Variants in GRIN3A observed in about 807,000 individuals in gnomAD.
GRIN3A encodes the protein glutamate receptor ionotropic, NMDA 3A.
Under a neutral mutation model 92.4 loss-of-function variants are expected in GRIN3A, and 47 were observed. The observed-to-expected ratio is 0.51, with a 90% CI of 0.40 to 0.65. The LOEUF is 0.65. Among genes scored for constraint, GRIN3A ranks in the 30% least tolerant of loss-of-function variants. The probability of loss-of-function intolerance (pLI) is 0.00; values close to 1 mark genes in which losing one functional copy is unlikely to be tolerated. For missense variants in GRIN3A, 1,324 were observed against 1,393.1 expected (o/e 0.95, Z 0.79); for synonymous variants, 527 against 540.6 (o/e 0.97, Z 0.35).
At chr9:101,731,751 C>T (rs528216302) in intron 1 of GRIN3A, among the ~76,000 whole-genome samples, 2 of 152,302 alleles carry the variant, frequency 1.3e-5, no homozygotes, top group South Asian at 4.1e-4. Context: ...GAGAATTTGG[C>T]TGAGGTGTCA....
intron 1 of GRIN3A, among the ~76,000 whole-genome samples, chr9:101,697,141 T>G (rs1829695489): frequency 6.6e-6 from 1 of 152,190 alleles, no homozygotes. Flanking sequence ...AGCTTAACAC[T>G]AGAAATAGTA....
In GRIN3A at chr9:101,687,086, C is replaced by T; in HGVS notation, c.814G>A (p.Glu272Lys). ...WYNFSLLLCQ[E>K]DWNITDFLLL... is the part of the protein sequence containing the mutation. Reference sequence around the variant, plus strand: ...AGGAAGTCGGTGATGTTCCAGTCTTCCTGGCACAGCAACAAGCTAAAATTG... The same window carrying T: ...AGGAAGTCGGTGATGTTCCAGTCTTTCTGGCACAGCAACAAGCTAAAATTG... The change falls in exon 2 of 9, where the codon GAA becomes AAA. Residue 272 changes from glutamate (E) to lysine (K), a missense_variant. By Grantham distance (56) the Glu-to-Lys change is moderately conservative (BLOSUM62 1). Coordinates refer to ENST00000361820, the MANE Select transcript of GRIN3A (RefSeq NM_133445.3). 6.2e-7 allele frequency: 1 copy of T among 1,614,090 alleles called. No homozygotes were observed. The highest frequency in any genetic ancestry group is 1.1e-5 in the South Asian group (1 of 91,070).
At position 101,572,511 on chromosome 9, in the gene GRIN3A, TC is replaced by T. The variant is rs1588232051; in HGVS notation, c.*662del. ...TTCTGTTTCCGCTTACCACATCCCC[TC>T]CCCTTTTCACAGTAGGGTGTAAGCA... On this transcript the variant is annotated 3_prime_UTR_variant, in exon 9 of 9. Coordinates refer to ENST00000361820, the MANE Select transcript of GRIN3A (RefSeq NM_133445.3). 1.3e-5 allele frequency: 2 copies of T among 152,978 alleles called. No homozygotes were observed. Among genetic ancestry groups the T allele is most frequent in the East Asian group, 3.9e-4 (2 of 5,168 alleles). The allele number at this position is 152,978 out of a possible 1,614,324, so 9.5% of individuals were successfully genotyped here.
intron 1 of GRIN3A, among the ~76,000 whole-genome samples, chr9:101,719,717 A>T (rs1829988788): frequency 6.6e-6 from 1 of 152,194 alleles, no homozygotes. Flanking sequence ...TTAAAGACAG[A>T]GTTGGAATGA....
At chr9:101,612,895 C>T (rs987767688) in intron 6 of GRIN3A, among the ~76,000 whole-genome samples, 2 of 152,180 alleles carry the variant, frequency 1.3e-5, no homozygotes, top group Non-Finnish European at 2.9e-5. Flanking sequence ...ACTCTGTAAT[C>T]TAAGAAGTAC....
chr9:101,616,753 AG>A (rs1329733517), intron 5 of GRIN3A, among the ~76,000 whole-genome samples: 5 of 53,566 alleles, frequency 9.3e-5, no homozygotes, highest in Non-Finnish European at 1.6e-4. Context: ...GGGTGGGGGG[AG>A]GGGGGAGGGA....
intron 1 of GRIN3A, among the ~76,000 whole-genome samples, chr9:101,717,059 G>C (rs888186903): frequency 3.3e-5 from 5 of 152,140 alleles, no homozygotes; most frequent in Admixed American, 6.5e-5. Context: ...CCTCTAGAAG[G>C]CATCTGAGTT....
At chr9:101,735,944 T>G (rs185135476) in intron 1 of GRIN3A, among the ~76,000 whole-genome samples, 1,952 of 152,316 alleles carry the variant, frequency 0.013, 74 homozygotes, top group Admixed American at 0.064. Context: ...TGGCTTGTAC[T>G]CAACCTTCCT....
chr9:101,704,596 T>C (rs905435844), intron 1 of GRIN3A, among the ~76,000 whole-genome samples: 79 of 152,206 alleles, frequency 5.2e-4, no homozygotes, highest in Non-Finnish European at 8.2e-4. Flanking sequence ...CTCCACTCTT[T>C]TGCCATGCTG....
intron 3 of GRIN3A, among the ~76,000 whole-genome samples, chr9:101,659,230 A>G (rs1055744038): frequency 2.0e-5 from 3 of 151,806 alleles, no homozygotes; most frequent in Non-Finnish European, 4.4e-5. Flanking sequence ...TAATGTGTCT[A>G]TGTGAACACA....
At chr9:101,677,828 C>T (rs748768171) in intron 2 of GRIN3A, among the ~76,000 whole-genome samples, 1 of 152,100 alleles carries the variant, frequency 6.6e-6, no homozygotes, top group Non-Finnish European at 1.5e-5. Flanking sequence ...ATTAAATGTG[C>T]GTGATTTCTT....
At chr9:101,731,546 A>AC (rs1394938428) in intron 1 of GRIN3A, among the ~76,000 whole-genome samples, 4 of 152,056 alleles carry the variant, frequency 2.6e-5, no homozygotes, top group African/African-American at 7.2e-5. Context: ...TACCACATGA[A>AC]CCCTTGCAGG....
intron 6 of GRIN3A, chr9:101,601,140 A>G (rs904813257): frequency 6.6e-6 from 1 of 152,236 alleles, no homozygotes; most frequent in Non-Finnish European, 1.5e-5. Flanking sequence ...GGGAACAAGT[A>G]CCATAATCAC....
chr9:101,697,409 C>A (rs1829697938), intron 1 of GRIN3A, among the ~76,000 whole-genome samples: 1 of 152,178 alleles, frequency 6.6e-6, no homozygotes, highest in South Asian at 2.1e-4. Flanking sequence ...TAATCAAACT[C>A]AAAGGCTCTT....
At chr9:101,582,406 A>C (rs1827899271) in intron 6 of GRIN3A, among the ~76,000 whole-genome samples, 1 of 152,180 alleles carries the variant, frequency 6.6e-6, no homozygotes, top group South Asian at 2.1e-4. Context: ...AGGCAGGAAA[A>C]TTGGGCAGAT....
chr9:101,689,510 A>T (rs921431369), intron 1 of GRIN3A, among the ~76,000 whole-genome samples: 4 of 152,230 alleles, frequency 2.6e-5, no homozygotes, highest in Non-Finnish European at 5.9e-5. Context: ...TGATTAATTC[A>T]TATAATCACA....
At chr9:101,604,653 T>C (rs941981024) in intron 6 of GRIN3A, among the ~76,000 whole-genome samples, 1 of 152,222 alleles carries the variant, frequency 6.6e-6, no homozygotes, top group South Asian at 2.1e-4. Flanking sequence ...AGAGAAGGGG[T>C]AGGAATGAGA....
chr9:101,610,152 T>A (rs1317773043), intron 6 of GRIN3A, among the ~76,000 whole-genome samples: 1 of 152,254 alleles, frequency 6.6e-6, no homozygotes, highest in African/African-American at 2.4e-5. Context: ...AATTGACTGG[T>A]ATAGGCCCAA....
At chr9:101,641,200 A>G (rs1462579400) in intron 3 of GRIN3A, among the ~76,000 whole-genome samples, 1 of 152,234 alleles carries the variant, frequency 6.6e-6, no homozygotes, top group Non-Finnish European at 1.5e-5. Context: ...ACTGTAAACT[A>G]GTTCAACCAT....
Sources: gnomAD v4.1 joint callset for allele counts (sites outside exome capture counted in the v4.1 genomes callset) on GRCh38, gnomAD v4.1.1 for gene constraint, MANE v1.5 for transcripts, NCBI Gene and HGNC (gene_info 2026-07-23, HGNC 2026-07-21) for gene names.